Variants in FAM124A observed in about 807,000 individuals in gnomAD.
FAM124A encodes the protein protein FAM124A.
Under a neutral mutation model 24.5 loss-of-function variants are expected in FAM124A, and 23 were observed. The observed-to-expected ratio is 0.94, with a 90% CI of 0.68 to 1.33. FAM124A has a LOEUF of 1.33. FAM124A is among the 40% of genes most tolerant of loss of function. The pLI is 0.00. For synonymous variants in FAM124A, 287 were observed against 314.7 expected (o/e 0.91, Z 0.93); for missense variants, 623 against 722.8 (o/e 0.86, Z 1.58).
At chr13:51,231,412 C>CT (rs1336484751) in intron 2 of FAM124A, 33 bp downstream of exon 2, 2 of 1,612,458 alleles carry the variant, frequency 1.2e-6, no homozygotes, top group African/African-American at 1.3e-5. Context: ...TCAGCATTGT[C>CT]TAACGGTCCC....
chr13:51,254,102 T>C, intron 3 of FAM124A, among the ~76,000 whole-genome samples: 1 of 152,154 alleles, frequency 6.6e-6, no homozygotes. Context: ...AGTTAGGTCT[T>C]GGGGGGAGGA....
intron 1 of FAM124A, chr13:51,225,307 T>C (rs889067207): frequency 6.6e-6 from 1 of 152,164 alleles, no homozygotes; most frequent in African/African-American, 2.4e-5. Context: ...TGGGTACTAT[T>C]TACCTAAAAA....
At chr13:51,232,084 C>T (rs1954383403) in intron 2 of FAM124A, among the ~76,000 whole-genome samples, 1 of 152,124 alleles carries the variant, frequency 6.6e-6, no homozygotes, top group East Asian at 1.9e-4. Flanking sequence ...ATCCATCATC[C>T]TGTATTTGTA....
intron 3 of FAM124A, among the ~76,000 whole-genome samples, chr13:51,261,926 C>T (rs1954742638): frequency 6.6e-6 from 1 of 152,218 alleles, no homozygotes; most frequent in Non-Finnish European, 1.5e-5. Flanking sequence ...AGGTACAGTA[C>T]TGGAGGGGGA....
chr13:51,240,395 G>C (rs1954478575), intron 2 of FAM124A, among the ~76,000 whole-genome samples: 1 of 152,218 alleles, frequency 6.6e-6, no homozygotes, highest in Non-Finnish European at 1.5e-5. Flanking sequence ...AGGAAGTGAA[G>C]CTGAGCAGTT....
intron 2 of FAM124A, among the ~76,000 whole-genome samples, chr13:51,237,759 T>C (rs968660309): frequency 2.0e-5 from 3 of 150,512 alleles, no homozygotes; most frequent in Non-Finnish European, 4.5e-5. Context: ...TACTCAGTAG[T>C]ATCTATTGTA....
At position 51,231,328 on chromosome 13, in the gene FAM124A, G is replaced by T. The variant is rs200493333; in HGVS notation, c.69-20G>T. ...CATTTGGATAAAGAATTCTACTAAC[G>T]CTGAGGTCTTGTGTTTCAGGTCCGA... On this transcript the variant is annotated intron_variant, in intron 1 of 3. Coordinates refer to ENST00000322475, the MANE Select transcript of FAM124A (RefSeq NM_001242312.2). 6.7e-4 allele frequency: 1,074 copies of T among 1,613,532 alleles called. 7 individuals are homozygous for T. Among genetic ancestry groups the T allele is most frequent in the Admixed American group, 1.3e-3 (75 of 59,950 alleles).
At chr13:51,259,100 C>T (rs941305399) in intron 3 of FAM124A, among the ~76,000 whole-genome samples, 2 of 152,164 alleles carry the variant, frequency 1.3e-5, no homozygotes, top group African/African-American at 4.8e-5. Flanking sequence ...CCAAAACCAG[C>T]GGAGTCATCC....
Position 51,251,144 on chromosome 13 carries a change from CT to C in FAM124A, c.101-321del, listed in dbSNP as rs1954615297. ...GTTCCTTCCAAGTCACTAGACTTGA[CT>C]TTCTATTTGTCTGATACGTAAATAT... On this transcript the variant is annotated intron_variant, in intron 2 of 3. Coordinates refer to ENST00000322475, the MANE Select transcript of FAM124A (RefSeq NM_001242312.2). The surrounding 1 kb of genome is among the most constrained non-coding windows in gnomAD (Gnocchi z 5.3). Among the ~76,000 whole-genome samples, 1 of 152,200 alleles carries C rather than the reference CT, an allele frequency of 6.6e-6. No individual in the cohort carries two copies. The highest frequency in any genetic ancestry group is 6.5e-5 in the Admixed American group (1 of 15,288).
chr13:51,242,381 C>T (rs1954506715), intron 2 of FAM124A, among the ~76,000 whole-genome samples: 1 of 152,232 alleles, frequency 6.6e-6, no homozygotes, highest in African/African-American at 2.4e-5. Flanking sequence ...CATCATTAAG[C>T]ATGGTACATT....
chr13:51,264,293 G>A (rs1042645213), intron 3 of FAM124A, among the ~76,000 whole-genome samples: 1 of 152,172 alleles, frequency 6.6e-6, no homozygotes, highest in African/African-American at 2.4e-5. Context: ...CCCTCTCCCT[G>A]CCAGTTGTCC....
chr13:51,234,175 A>G (rs1954410343), intron 2 of FAM124A, among the ~76,000 whole-genome samples: 1 of 152,178 alleles, frequency 6.6e-6, no homozygotes, highest in Non-Finnish European at 1.5e-5. Context: ...TGCGTGTGCA[A>G]GTGATTCTTA....
chr13:51,257,822 A>G (rs1460244621), intron 3 of FAM124A, among the ~76,000 whole-genome samples: 1 of 152,148 alleles, frequency 6.6e-6, no homozygotes, highest in African/African-American at 2.4e-5. Flanking sequence ...TTCCCCACCT[A>G]GAGTAGTTCC....
intron 1 of FAM124A, among the ~76,000 whole-genome samples, chr13:51,224,190 C>T (rs1050593865): frequency 2.0e-5 from 3 of 152,230 alleles, no homozygotes; most frequent in African/African-American, 7.2e-5. Flanking sequence ...AATTCTTGGC[C>T]AGGTGCGGTA....
At chr13:51,241,022 T>A (rs1203840942) in intron 2 of FAM124A, among the ~76,000 whole-genome samples, 1 of 152,230 alleles carries the variant, frequency 6.6e-6, no homozygotes, top group East Asian at 1.9e-4. Context: ...TGGTTCACAG[T>A]GTGAACCCTC....
At chr13:51,234,160 T>G (rs1954410164) in intron 2 of FAM124A, among the ~76,000 whole-genome samples, 1 of 152,208 alleles carries the variant, frequency 6.6e-6, no homozygotes, top group African/African-American at 2.4e-5. Flanking sequence ...CAAAGTGGAT[T>G]TTTCTGCGTG....
At chr13:51,253,225 AG>A (rs748841805) in intron 3 of FAM124A, 1 of 152,232 alleles carries the variant, frequency 6.6e-6, no homozygotes, top group Non-Finnish European at 1.5e-5. Context: ...TCACAGGTAA[AG>A]TTTCATCGTT....
At chr13:51,225,889 C>G (rs1162741738) in intron 1 of FAM124A, among the ~76,000 whole-genome samples, 1 of 143,524 alleles carries the variant, frequency 7.0e-6, no homozygotes, top group African/African-American at 2.7e-5. Flanking sequence ...GCTAATTGAG[C>G]AATCAGTGTG....
chr13:51,255,749 G>GC (rs1555274424), intron 3 of FAM124A, among the ~76,000 whole-genome samples: 1 of 151,994 alleles, frequency 6.6e-6, no homozygotes, highest in African/African-American at 2.4e-5. Flanking sequence ...GGTATGCCCA[G>GC]CCAGATGTAG....
Sources: allele counts gnomAD v4.1 joint callset (sites outside exome capture counted in the v4.1 genomes callset), GRCh38; gene constraint gnomAD v4.1.1; non-coding constraint Gnocchi (gnomAD v3.1); transcripts MANE v1.5; gene names NCBI Gene and HGNC (gene_info 2026-07-23, HGNC 2026-07-21).